CAPG: variants seen among roughly 807,000 people sequenced by gnomAD.
CAPG encodes the protein macrophage-capping protein.
A neutral mutation model predicts 44.6 loss-of-function variants in CAPG; 32 were observed. The ratio of observed to expected loss-of-function variants is 0.72; its 90% CI spans 0.54 to 0.96. CAPG has a LOEUF of 0.96. Among genes scored for constraint, CAPG ranks in the 50% least tolerant of loss-of-function variants. The pLI, the probability that CAPG is intolerant of heterozygous loss-of-function variation, is 0.00. For synonymous variants in CAPG, 175 were observed against 179.6 expected (o/e 0.97, Z 0.20); for missense variants, 412 against 438.3 (o/e 0.94, Z 0.54).
downstream of CAPG, among the ~76,000 whole-genome samples, chr2:85,393,311 T>C (rs1249656148): frequency 6.6e-6 from 1 of 152,004 alleles, no homozygotes; most frequent in Non-Finnish European, 1.5e-5. Flanking sequence ...GCTGGGATTA[T>C]AGGCATGAGC....
chr2:85,406,159 G>A (rs1429044605), intron 1 of CAPG, among the ~76,000 whole-genome samples: 2 of 151,644 alleles, frequency 1.3e-5, no homozygotes, highest in Non-Finnish European at 2.9e-5. Flanking sequence ...AAAATTATCC[G>A]GAAATCACTT....
upstream of CAPG, among the ~76,000 whole-genome samples, chr2:85,413,498 T>C (rs772826318): frequency 3.3e-5 from 5 of 152,138 alleles, no homozygotes; most frequent in Admixed American, 6.5e-5. Context: ...GAGAATCGCT[T>C]GAACCCGGGA....
At chr2:85,398,177 T>C in intron 7 of CAPG, 25 bp from the exon 8 acceptor site, 2 of 1,609,392 alleles carry the variant, frequency 1.2e-6, no homozygotes, top group Non-Finnish European at 1.7e-6. Context: ...CAGTGCCTGA[T>C]CTCACCCCCC....
rs1186056950 is a variant in CAPG at position 85,418,336 on chromosome 2, C to G, written c.-83G>C. ...GCAGAAAGTGCCACCGGGAGCCCAG[C>G]CGGAGTTGAGGGCCTCGCGCCGGGC... On this transcript the variant is annotated 5_prime_UTR_variant, in exon 1 of 6. Coordinates refer to the CAPG transcript ENST00000409275. The G allele has an allele frequency of 2.0e-5, 3 of 152,226 alleles. No homozygotes were observed. The East Asian group carries it at 5.8e-4, about 29-fold the overall frequency. 9.4% of individuals were successfully genotyped at this position (152,226 alleles called of 1,614,324 possible).
At chr2:85,419,439 G>A (rs1687666413), upstream of CAPG, among the ~76,000 whole-genome samples, 1 of 152,198 alleles carries the variant, frequency 6.6e-6, no homozygotes. Context: ...GGAACTCAGG[G>A]TCCGGCCTGC....
intron 1 of CAPG, chr2:85,408,802 T>G (rs1344054492): frequency 2.0e-5 from 3 of 151,952 alleles, no homozygotes; most frequent in Non-Finnish European, 4.4e-5. Context: ...AGTGCTAAAG[T>G]TGAAGAGGGG....
intron 7 of CAPG, 42 bp downstream of exon 7, chr2:85,398,648 C>T (rs1288389644): frequency 6.7e-7 from 1 of 1,498,776 alleles, no homozygotes; most frequent in Non-Finnish European, 9.1e-7. Context: ...AGGCTCCCAC[C>T]CTCCCTGCTG....
upstream of CAPG, among the ~76,000 whole-genome samples, chr2:85,412,039 G>C (rs112543373): frequency 0.25 from 38,057 of 151,118 alleles, 5,302 homozygotes; most frequent in Non-Finnish European, 0.33. Context: ...TCCAGCCTGG[G>C]AGACAAAGCA....
chr2:85,399,333 TG>T, intron 5 of CAPG, 48 bp from the exon 6 acceptor site: 2 of 1,598,584 alleles, frequency 1.3e-6, no homozygotes, highest in Non-Finnish European at 1.7e-6. Context: ...GCCTGTGTCC[TG>T]CTCCCCAGCT....
At chr2:85,406,934 C>CTTTT (rs575138210) in intron 1 of CAPG, among the ~76,000 whole-genome samples, 1 of 141,906 alleles carries the variant, frequency 7.0e-6, no homozygotes, top group Non-Finnish European at 1.5e-5. Flanking sequence ...TAGTAATTTT[C>CTTTT]TTTTTTTTTT....
Position 85,395,567 on chromosome 2 carries a change from A to G in CAPG, c.952T>C (p.Ser318Pro). ...AALQVAEGFI[S>P]RMQYAPNTQV... is the part of the protein sequence containing the mutation. ...GTGTTCGGGGCGTACTGCATGCGCGAGATGAAGCCCTCGGCCACCTGCAGG... is the reference window on the plus strand; with the variant it reads ...GTGTTCGGGGCGTACTGCATGCGCGGGATGAAGCCCTCGGCCACCTGCAGG... The change falls in exon 9 of 10, where the codon TCG (serine) becomes CCG (proline). Residue 318 changes from serine to proline, a missense_variant. Coordinates refer to ENST00000263867, the MANE Select transcript of CAPG (RefSeq NM_001747.4). This position sits in a 1 kb window ranked among gnomAD's most constrained non-coding sequence, Gnocchi z 4.3. 4.3e-6 allele frequency: 7 copies of G among 1,613,902 alleles called. No homozygotes were observed. Among genetic ancestry groups the G allele is most frequent in the Non-Finnish European group, 5.9e-6 (7 of 1,179,920 alleles).
chr2:85,418,170 T>G (rs1369502901), intron 1 of CAPG: 1 of 152,232 alleles, frequency 6.6e-6, no homozygotes, highest in Non-Finnish European at 1.5e-5. Flanking sequence ...GACCCAGCCT[T>G]GCCTGCCAGG....
At chr2:85,408,055 A>G (rs1420189213) in intron 1 of CAPG, among the ~76,000 whole-genome samples, 2 of 151,900 alleles carry the variant, frequency 1.3e-5, no homozygotes, top group African/African-American at 2.4e-5. Context: ...AAGCCCCCTC[A>G]TCCTAGGCTG....
chr2:85,410,278 T>G (rs1453130201), intron 1 of CAPG, 39 bp downstream of exon 1: 2 of 152,664 alleles, frequency 1.3e-5, no homozygotes, highest in Non-Finnish European at 1.5e-5. Flanking sequence ...CCTGCCACCT[T>G]CACCTTTCAA....
At position 85,398,720 on chromosome 2, in the gene CAPG, C is replaced by G; in HGVS notation, c.729G>C (p.Lys243Asn). ...GNPEEDLTADKANAQAAALYK... is the reference protein window; with the variant it reads ...GNPEEDLTADNANAQAAALYK... Reference sequence around the variant, plus strand: ...ACAGAGCTGCGGCCTGGGCATTTGCCTTGTCAGCTGTGAGGTCTTCCTCAG... The same window carrying G: ...ACAGAGCTGCGGCCTGGGCATTTGCGTTGTCAGCTGTGAGGTCTTCCTCAG... The change falls in exon 7 of 10, where the codon AAG becomes AAC. Residue 243 changes from lysine (K) to asparagine (N), a missense_variant. Coordinates refer to ENST00000263867, the MANE Select transcript of CAPG (RefSeq NM_001747.4). 1 of 1,606,944 alleles carries G rather than the reference C, an allele frequency of 6.2e-7. No homozygotes were observed. Among genetic ancestry groups the G allele is most frequent in the Non-Finnish European group, 8.5e-7 (1 of 1,176,880 alleles).
chr2:85,417,640 G>C (rs567902134), intron 1 of CAPG, among the ~76,000 whole-genome samples: 1 of 152,032 alleles, frequency 6.6e-6, no homozygotes, highest in Admixed American at 6.5e-5. Flanking sequence ...GTGCCACCAC[G>C]CCCGGGTAAT....
At chr2:85,399,327 G>T (rs1464424967) in intron 5 of CAPG, 42 bp from the exon 6 acceptor site, 1 of 1,604,902 alleles carries the variant, frequency 6.2e-7, no homozygotes, top group Non-Finnish European at 8.5e-7. Context: ...CCAGATGCCT[G>T]TGTCCTGCTC....
At chr2:85,401,979 A>G (rs1222797141) in intron 2 of CAPG, 22 bp from the exon 3 acceptor site, 1 of 1,613,956 alleles carries the variant, frequency 6.2e-7, no homozygotes, top group East Asian at 2.2e-5. Context: ...GAGAGGGTTG[A>G]CAGCAGCCTG....
chr2:85,403,768 T>G (rs1164037756), intron 1 of CAPG, among the ~76,000 whole-genome samples: 1 of 151,002 alleles, frequency 6.6e-6, no homozygotes, highest in African/African-American at 2.4e-5. Flanking sequence ...GTGCCTATAG[T>G]CCCAGCTACT....
Sources: gnomAD v4.1 joint callset for allele counts (sites outside exome capture counted in the v4.1 genomes callset) on GRCh38, gnomAD v4.1.1 for gene constraint, Gnocchi (gnomAD v3.1) non-coding constraint, MANE v1.5 for transcripts, NCBI Gene and HGNC (gene_info 2026-07-23, HGNC 2026-07-21) for gene names.